Variants in DCAF13 observed in about 807,000 individuals in gnomAD.
DCAF13 encodes DDB1- and CUL4-associated factor 13.
Under a neutral mutation model 59.0 loss-of-function variants are expected in DCAF13, and 38 were observed. The observed-to-expected ratio is 0.64, with a 90% CI of 0.50 to 0.84. DCAF13 has a LOEUF of 0.84. DCAF13 is among the 40% of genes least tolerant of loss of function. The pLI is 0.00. For synonymous variants in DCAF13, 173 were observed against 175.0 expected, an observed-to-expected ratio of 0.99 and a Z score of 0.09; for missense variants, 469 against 558.4, an observed-to-expected ratio of 0.84 and a Z score of 1.61.
chr8:103,430,389 C>T (rs1264628777), intron 5 of DCAF13: 11 of 285,344 alleles, frequency 3.9e-5, no homozygotes, highest in Admixed American at 5.7e-5. Context: ...AAGACTCTGT[C>T]TCTAAATAAA....
chr8:103,430,935 C>T (rs1816855603), intron 6 of DCAF13, among the ~76,000 whole-genome samples: 1 of 152,136 alleles, frequency 6.6e-6, no homozygotes, highest in Non-Finnish European at 1.5e-5. Context: ...GATGCCAGTA[C>T]ATTTTAGGCC....
rs1056121856 is a variant in DCAF13 at position 103,432,744 on chromosome 8, A to G, written c.785+3A>G. 6.4e-7 allele frequency: 1 copy of G among 1,573,260 alleles called. No individual in the cohort carries two copies. Among genetic ancestry groups the G allele is most frequent in the Middle Eastern group, 1.7e-4 (1 of 5,920 alleles). ...ACAGCAGCAAATGAAGATTATAAGTAAGTTTCCCTCTTTTAAAAACTTGTG... is the reference window on the plus strand; with the variant it reads ...ACAGCAGCAAATGAAGATTATAAGTGAGTTTCCCTCTTTTAAAAACTTGTG... On this transcript the variant is annotated splice_donor_region_variant and intron_variant, in intron 7 of 10. Transcript: ENST00000612750.
chr8:103,424,976 CAA>C lies in DCAF13; in HGVS notation c.379-1077_379-1076del, dbSNP rs201091409. ...GGATTCTGTTCATCGACATCCTCAA[CAA>C]AAGACATCGCTGTGTAATCTTAGTA... On this transcript the variant is annotated intron_variant, in intron 3 of 10. Transcript: ENST00000612750. Among the ~76,000 whole-genome samples, 960 of 152,308 alleles carry C rather than the reference CAA, an allele frequency of 6.3e-3. 8 individuals carry two copies. The highest frequency in any genetic ancestry group is 0.021 in the African/African-American group (892 of 41,564).
At chr8:103,432,857 G>A in intron 7 of DCAF13, 116 bp downstream of exon 7, 1 of 572,632 alleles carries the variant, frequency 1.7e-6, no homozygotes, top group Non-Finnish European at 3.0e-6. Flanking sequence ...TTTGAAAACT[G>A]TCATCTGTTT....
chr8:103,417,916 G>T (rs556307609), intron 1 of DCAF13, among the ~76,000 whole-genome samples: 27 of 152,060 alleles, frequency 1.8e-4, no homozygotes, highest in African/African-American at 5.8e-4. Flanking sequence ...TCAGGAGATC[G>T]AGACTATCCT....
intron 5 of DCAF13, chr8:103,427,611 C>G: frequency 4.2e-6 from 1 of 240,920 alleles, no homozygotes; most frequent in Admixed American, 5.4e-5. Flanking sequence ...ATTTTTCTAC[C>G]TGCCTTGGAG....
At chr8:103,430,525 A>T in intron 5 of DCAF13, 87 bp from the exon 6 acceptor site, 2 of 816,618 alleles carry the variant, frequency 2.4e-6, no homozygotes, top group South Asian at 3.4e-5. Flanking sequence ...ATAAATATTA[A>T]GGGCAATTAA....
intron 3 of DCAF13, 45 bp downstream of exon 3, chr8:103,421,127 A>G (rs761385547): frequency 4.0e-6 from 5 of 1,253,430 alleles, no homozygotes; most frequent in Non-Finnish European, 3.5e-6. Context: ...CAACATAGGT[A>G]AGAATAATCT....
rs750402182 is a variant in DCAF13, at chr8:103,443,123, TTTC to T, written c.*244_*246del. 3.1e-5 allele frequency: 10 copies of T among 324,006 alleles called. No individual in the cohort carries two copies. The highest frequency in any genetic ancestry group is 4.5e-5 in the Non-Finnish European group (8 of 178,346). 20.1% of individuals were successfully genotyped at this position (324,006 alleles called of 1,614,324 possible). A position where few individuals can be genotyped will look rare whatever the true frequency, so the allele number is the denominator to read the frequency against. Reference sequence around the variant, plus strand: ...AGAATACAGTATTTGCAACTCATTTTTTCTTGTTTTTATTACAGATATACTTAC... The same window carrying T: ...AGAATACAGTATTTGCAACTCATTTTTTGTTTTTATTACAGATATACTTAC... On this transcript the variant is annotated 3_prime_UTR_variant, in exon 11 of 11. Transcript: ENST00000612750.
In DCAF13 at chr8:103,421,141, T is replaced by G. The variant is rs376534034; in HGVS notation, c.378+59T>G. ...TCAACATAGGTAAGAATAATCTAAT[T>G]GAATACATTTTTTTTCAAGTTCATT... On this transcript the variant is annotated intron_variant, in intron 3 of 10. Coordinates refer to ENST00000612750, the MANE Select transcript of DCAF13 (RefSeq NM_015420.7). The G allele has an allele frequency of 5.3e-5, 62 of 1,164,624 alleles. No homozygotes were observed. In the East Asian group the frequency reaches 8.9e-4, roughly 17 times the overall value. 72.1% of individuals were successfully genotyped at this position (1,164,624 alleles called of 1,614,324 possible).
chr8:103,431,688 A>G (rs1816867496), intron 6 of DCAF13, among the ~76,000 whole-genome samples: 3 of 152,228 alleles, frequency 2.0e-5, no homozygotes, highest in Non-Finnish European at 2.9e-5. Flanking sequence ...CGCTGAGAAT[A>G]AAACATGATA....
chr8:103,434,464 A>C (rs1344053944), intron 7 of DCAF13, among the ~76,000 whole-genome samples: 1 of 152,086 alleles, frequency 6.6e-6, no homozygotes, highest in Non-Finnish European at 1.5e-5. Context: ...CTAGCTGAAA[A>C]CCACTGTTCT....
At chr8:103,417,343 T>TA (rs5893655) in intron 1 of DCAF13, among the ~76,000 whole-genome samples, 33,451 of 151,196 alleles carry the variant, frequency 0.22, 3,787 homozygotes, top group East Asian at 0.34. Flanking sequence ...AGATTTTTCT[T>TA]AAAAAAAAAG....
chr8:103,437,871 T>C (rs1816952622), intron 8 of DCAF13, among the ~76,000 whole-genome samples: 1 of 152,210 alleles, frequency 6.6e-6, no homozygotes, highest in Non-Finnish European at 1.5e-5. Context: ...CATTCAGTAT[T>C]TACTGAGCAA....
intron 3 of DCAF13, among the ~76,000 whole-genome samples, chr8:103,423,704 C>T (rs1193340501): frequency 6.6e-6 from 1 of 152,126 alleles, no homozygotes. Context: ...TGTGAGGTAA[C>T]AGATATGTTA....
At chr8:103,431,557 T>C (rs1037806085) in intron 6 of DCAF13, among the ~76,000 whole-genome samples, 1 of 152,244 alleles carries the variant, frequency 6.6e-6, no homozygotes, top group Non-Finnish European at 1.5e-5. Context: ...ATGATTTCAC[T>C]CATTCATGTG....
chr8:103,432,671 A>G lies in DCAF13; in HGVS notation c.715A>G (p.Met239Val), dbSNP rs1468705618. ...ATPLKKVILD[M>V]RTNTICWNPM... ...CTTCCTTTCTCAGGTTATCTTAGATATGAGAACAAATACAATCTGTTGGAA... is the reference window on the plus strand; with the variant it reads ...CTTCCTTTCTCAGGTTATCTTAGATGTGAGAACAAATACAATCTGTTGGAA... The change falls in exon 7 of 11, where the codon ATG (methionine) becomes GTG (valine). Residue 239 changes from methionine (M) to valine (V), a missense_variant. Transcript: ENST00000612750. The G allele has an allele frequency of 9.4e-6, 15 of 1,592,672 alleles. No individual in the cohort carries two copies. Among genetic ancestry groups the G allele is most frequent in the Non-Finnish European group, 1.2e-5 (14 of 1,162,684 alleles).
At chr8:103,437,158 T>C (rs1297528380) in intron 8 of DCAF13, among the ~76,000 whole-genome samples, 1 of 152,244 alleles carries the variant, frequency 6.6e-6, no homozygotes, top group Non-Finnish European at 1.5e-5. Context: ...TGCCTTGATA[T>C]TCTCCAAATT....
rs539559313 is a variant in DCAF13 at position 103,424,986 on chromosome 8, C to T, written c.379-1070C>T. Among the ~76,000 whole-genome samples, 63 of 152,168 alleles carry T rather than the reference C, an allele frequency of 4.1e-4. 1 individual carries two copies. The highest frequency in any genetic ancestry group is 6.5e-4 in the Non-Finnish European group (44 of 68,028). Reference sequence around the variant, plus strand: ...CATCGACATCCTCAACAAAAGACATCGCTGTGTAATCTTAGTACCAAAACC... The same window carrying T: ...CATCGACATCCTCAACAAAAGACATTGCTGTGTAATCTTAGTACCAAAACC... On this transcript the variant is annotated intron_variant, in intron 3 of 10. Transcript: ENST00000612750.
Sources: gnomAD v4.1 joint callset for allele counts (sites outside exome capture counted in the v4.1 genomes callset) on GRCh38, gnomAD v4.1.1 for gene constraint, MANE v1.5 for transcripts, NCBI Gene and HGNC (gene_info 2026-07-23, HGNC 2026-07-21) for gene names.